Variants in ROBO2 observed in about 807,000 individuals in gnomAD.
ROBO2 encodes roundabout guidance receptor 2, also known as roundabout homolog 2.
In ROBO2, 53 loss-of-function variants were observed where a neutral mutation model predicts 160.8. That is an observed-to-expected ratio of 0.33 (90% CI 0.26 to 0.41). The LOEUF (loss-of-function observed/expected upper bound fraction) is 0.41, where lower values mean the gene tolerates loss of function less well. ROBO2 is among the 10% of genes least tolerant of loss of function. The pLI is 1.00. For synonymous variants in ROBO2, 664 were observed against 611.7 expected (o/e 1.09, Z -1.26); for missense variants, 1,577 against 1,722.4 (o/e 0.92, Z 1.49).
At chr3:76,411,147 A>G (rs973144242) in intron 2 of ROBO2, among the ~76,000 whole-genome samples, 7 of 152,158 alleles carry the variant, frequency 4.6e-5, no homozygotes, top group Non-Finnish European at 7.3e-5. Flanking sequence ...TTGAAACCCA[A>G]GAAGAGCCAA....
chr3:75,925,370 A>G (rs1025612415), intron 1 of ROBO2, among the ~76,000 whole-genome samples: 1 of 152,098 alleles, frequency 6.6e-6, no homozygotes, highest in Non-Finnish European at 1.5e-5. Flanking sequence ...AGTGTGGGTA[A>G]CAGAATGAGA....
At chr3:76,645,223 G>C (rs192357419) in intron 2 of ROBO2, among the ~76,000 whole-genome samples, 108 of 152,256 alleles carry the variant, frequency 7.1e-4, no homozygotes, top group Non-Finnish European at 1.1e-3. Context: ...GACCTAAAAT[G>C]TTTCTCTTTT....
chr3:76,186,831 A>G (rs921758314), intron 2 of ROBO2, among the ~76,000 whole-genome samples: 3 of 152,028 alleles, frequency 2.0e-5, no homozygotes, highest in African/African-American at 7.2e-5. Context: ...CCACTCTTCA[A>G]AGTCATTAAC....
chr3:76,777,281 A>G (rs1218622997), intron 2 of ROBO2, among the ~76,000 whole-genome samples: 1 of 151,152 alleles, frequency 6.6e-6, no homozygotes, highest in Non-Finnish European at 1.5e-5. Context: ...CTCTTTTCAC[A>G]TTCGCTGTGT....
At chr3:76,341,591 AAG>A (rs1198770192) in intron 2 of ROBO2, among the ~76,000 whole-genome samples, 2 of 151,634 alleles carry the variant, frequency 1.3e-5, no homozygotes, top group Non-Finnish European at 2.9e-5. Context: ...CTGATTTGAG[AAG>A]AGAGAAAATG....
intron 2 of ROBO2, among the ~76,000 whole-genome samples, chr3:76,181,245 A>G (rs935251236): frequency 2.6e-5 from 4 of 152,184 alleles, no homozygotes; most frequent in African/African-American, 9.6e-5. Context: ...CAAAAAGTCA[A>G]AAAAGAGAAT....
intron 2 of ROBO2, among the ~76,000 whole-genome samples, chr3:76,775,479 A>G (rs548157514): frequency 1.3e-5 from 2 of 151,026 alleles, no homozygotes; most frequent in South Asian, 4.1e-4. Context: ...GTAAACTTTA[A>G]TTGAAATCTA....
At chr3:76,691,408 C>T (rs1006751437) in intron 2 of ROBO2, among the ~76,000 whole-genome samples, 67 of 151,540 alleles carry the variant, frequency 4.4e-4, no homozygotes, top group African/African-American at 1.5e-3. Flanking sequence ...GATTAGGAAA[C>T]GGGGGTTGTG....
At chr3:77,193,608 T>G (rs905037124) in intron 2 of ROBO2, among the ~76,000 whole-genome samples, 1 of 152,124 alleles carries the variant, frequency 6.6e-6, no homozygotes, top group South Asian at 2.1e-4. Flanking sequence ...ACAGACAAAT[T>G]TCCTTCTTTT....
At chr3:77,151,942 C>G (rs555930883) in intron 2 of ROBO2, among the ~76,000 whole-genome samples, 1 of 152,218 alleles carries the variant, frequency 6.6e-6, no homozygotes, top group South Asian at 2.1e-4. Context: ...CAGTCCAATG[C>G]CTTTGCAAAT....
chr3:76,426,810 G>A (rs2076240501), intron 2 of ROBO2, among the ~76,000 whole-genome samples: 1 of 152,114 alleles, frequency 6.6e-6, no homozygotes, highest in Admixed American at 6.6e-5. Context: ...AAATGTGAGA[G>A]TGATGAATTG....
chr3:77,203,511 A>G (rs570772052), intron 2 of ROBO2, among the ~76,000 whole-genome samples: 4 of 152,360 alleles, frequency 2.6e-5, no homozygotes, highest in South Asian at 4.1e-4. Context: ...TCGGAAGCCA[A>G]TGATGGTGCT....
intron 2 of ROBO2, among the ~76,000 whole-genome samples, chr3:75,950,944 T>C (rs1948510969): frequency 6.6e-6 from 1 of 152,120 alleles, no homozygotes; most frequent in African/African-American, 2.4e-5. Context: ...ATAATGATTT[T>C]ACTAGTTTTT....
intron 2 of ROBO2, among the ~76,000 whole-genome samples, chr3:76,756,351 T>A (rs2060969855): frequency 6.6e-6 from 1 of 151,864 alleles, no homozygotes; most frequent in Non-Finnish European, 1.5e-5. Context: ...ATGGATTGTT[T>A]TATAGTTTGG....
At chr3:77,212,055 C>A (rs1324828752) in intron 2 of ROBO2, among the ~76,000 whole-genome samples, 1 of 152,108 alleles carries the variant, frequency 6.6e-6, no homozygotes, top group Non-Finnish European at 1.5e-5. Flanking sequence ...CTTGGCACTG[C>A]AGGCTCTTTT....
intron 2 of ROBO2, among the ~76,000 whole-genome samples, chr3:77,436,345 T>G (rs71322798): frequency 0.042 from 6,321 of 151,864 alleles, 380 homozygotes; most frequent in African/African-American, 0.13. Context: ...GTTTGTTCTC[T>G]TCATCACTGT....
chr3:77,094,704 C>T (rs2070800577), intron 1 of ROBO2, among the ~76,000 whole-genome samples: 1 of 152,108 alleles, frequency 6.6e-6, no homozygotes, highest in African/African-American at 2.4e-5. Context: ...TGTTATTTTA[C>T]ATTGCTTTGA....
intron 2 of ROBO2, among the ~76,000 whole-genome samples, chr3:75,988,846 G>A (rs1295172586): frequency 6.6e-6 from 1 of 151,588 alleles, no homozygotes; most frequent in Non-Finnish European, 1.5e-5. Context: ...AATATATTTT[G>A]TATGATGTTT....
chr3:76,109,226 G>A (rs2070099767), intron 2 of ROBO2, among the ~76,000 whole-genome samples: 1 of 148,306 alleles, frequency 6.7e-6, no homozygotes, highest in Non-Finnish European at 1.5e-5. Context: ...CATTTTCCCA[G>A]ATGAAAATGC....
Sources: gnomAD v4.1 joint callset for allele counts (sites outside exome capture counted in the v4.1 genomes callset) on GRCh38, gnomAD v4.1.1 for gene constraint, MANE v1.5 for transcripts, NCBI Gene and HGNC (gene_info 2026-07-23, HGNC 2026-07-21) for gene names.